Variants in EFNB2 observed in about 807,000 individuals in gnomAD.
The protein encoded by EFNB2 is ephrin-B2.
Under a neutral mutation model 32.1 loss-of-function variants are expected in EFNB2, and 5 were observed. The observed-to-expected ratio is 0.16, with a 90% CI of 0.08 to 0.33. The LOEUF (loss-of-function observed/expected upper bound fraction) is 0.33, where lower values mean the gene tolerates loss of function less well. EFNB2 is among the 10% of genes least tolerant of loss of function. EFNB2 has a pLI of 1.00. For missense variants in EFNB2, 263 were observed against 422.6 expected (o/e 0.62, Z 3.31); for synonymous variants, 168 against 166.5 (o/e 1.01, Z -0.07).
intron 1 of EFNB2, among the ~76,000 whole-genome samples, 187 bp from the exon 2 acceptor site, chr13:106,512,999 G>A (rs149553348): frequency 7.9e-5 from 12 of 152,224 alleles, no homozygotes; most frequent in African/African-American, 2.6e-4. Context: ...AGCTTTAAAA[G>A]AAAAAGGAAA....
In EFNB2 at chr13:106,535,461, C is replaced by A. The variant is rs1880046880; in HGVS notation, c.-497G>T. On this transcript the variant is annotated 5_prime_UTR_variant, in exon 1 of 5. Transcript: ENST00000646441. ...CGGTTCCATGTCCCGGAGCACGGAG[C>A]GGAGTAGGGCGCCTCCGGGCGCGCA... is the stretch of plus-strand genomic sequence containing the variant. The A allele has an allele frequency of 6.7e-6, 1 of 150,096 alleles. No homozygotes were observed. The highest frequency in any genetic ancestry group is 1.5e-5 in the Non-Finnish European group (1 of 67,390). The allele number at this position is 150,096 out of a possible 1,614,324, so 9.3% of individuals were successfully genotyped here.
chr13:106,535,207 G>T lies in EFNB2; in HGVS notation c.-243C>A. ...GGCGGCGCGGCGGACTCGGGGTTCCGGGGCGCCGCGCCGGACGCAGCTCGG... is the reference window on the plus strand; with the variant it reads ...GGCGGCGCGGCGGACTCGGGGTTCCTGGGCGCCGCGCCGGACGCAGCTCGG... On this transcript the variant is annotated 5_prime_UTR_variant, in exon 1 of 5. Coordinates refer to ENST00000646441, the MANE Select transcript of EFNB2 (RefSeq NM_004093.4). The T allele has an allele frequency of 6.2e-6, 1 of 162,490 alleles. No individual in the cohort carries two copies. Among genetic ancestry groups the T allele is most frequent in the South Asian group, 1.9e-4 (1 of 5,234 alleles). The allele number at this position is 162,490 out of a possible 1,614,324, so 10.1% of individuals were successfully genotyped here. A position where few individuals can be genotyped will look rare whatever the true frequency, so the allele number is the denominator to read the frequency against.
At chr13:106,497,591 G>C (rs935744634) in intron 2 of EFNB2, among the ~76,000 whole-genome samples, 2 of 152,022 alleles carry the variant, frequency 1.3e-5, no homozygotes, top group South Asian at 4.2e-4. Context: ...TGCACAACGT[G>C]CAGGTTTGTT....
At chr13:106,516,046 T>C (rs1288441868) in intron 1 of EFNB2, 1 of 152,220 alleles carries the variant, frequency 6.6e-6, no homozygotes, top group Non-Finnish European at 1.5e-5. Flanking sequence ...CAATAAATAA[T>C]GTATTAATTG....
At chr13:106,520,229 A>G (rs1879456315) in intron 1 of EFNB2, 1 of 152,204 alleles carries the variant, frequency 6.6e-6, no homozygotes, top group Non-Finnish European at 1.5e-5. Flanking sequence ...GAAAACATGT[A>G]CTTTTTCCAT....
rs1412261469 is a variant in EFNB2 at position 106,518,992 on chromosome 13, C to T, written c.123-6180G>A. Reference sequence around the variant, plus strand: ...TACCTGGTGGCTCTCCTGAGAGACGCGACAGGTCCACGGAAGGAAACCATG... The same window carrying T: ...TACCTGGTGGCTCTCCTGAGAGACGTGACAGGTCCACGGAAGGAAACCATG... On this transcript the variant is annotated intron_variant, in intron 1 of 4. Coordinates refer to ENST00000646441, the MANE Select transcript of EFNB2 (RefSeq NM_004093.4). The surrounding 1 kb of genome is among the most constrained non-coding windows in gnomAD (Gnocchi z 4.1). 6.6e-6 allele frequency: 1 copy of T among 152,062 alleles called. No individual in the cohort carries two copies. Among genetic ancestry groups the T allele is most frequent in the Non-Finnish European group, 1.5e-5 (1 of 68,020 alleles). 9.4% of individuals were successfully genotyped at this position (152,062 alleles called of 1,614,324 possible).
chr13:106,514,742 T>G (rs1879258883), intron 1 of EFNB2, among the ~76,000 whole-genome samples: 1 of 152,182 alleles, frequency 6.6e-6, no homozygotes, highest in Non-Finnish European at 1.5e-5. Context: ...ATCTGCTCCT[T>G]TTGTAGCCTG....
chr13:106,506,479 C>T (rs1878955958), intron 2 of EFNB2: 2 of 152,160 alleles, frequency 1.3e-5, no homozygotes, highest in South Asian at 2.1e-4. Flanking sequence ...CAAAAAGATA[C>T]ATAAATGCAT....
chr13:106,534,647 T>C (rs1287321433), intron 1 of EFNB2, among the ~76,000 whole-genome samples, 196 bp downstream of exon 1: 1 of 150,812 alleles, frequency 6.6e-6, no homozygotes, highest in Non-Finnish European at 1.5e-5. Flanking sequence ...AGACCGTCCG[T>C]TCCAGCGGGG....
intron 2 of EFNB2, among the ~76,000 whole-genome samples, chr13:106,501,801 C>G (rs1370641402): frequency 6.6e-6 from 1 of 152,068 alleles, no homozygotes; most frequent in Non-Finnish European, 1.5e-5. Flanking sequence ...ACAGTGTTAG[C>G]CAGTTTGGTC....
Position 106,493,534 on chromosome 13 carries a change from A to T in EFNB2, c.614-106T>A. ...ATGTGAAAAATAAGCCAGGCTTATT[A>T]CTAACTAGAAGCTGGACTTTGCCTC... On this transcript the variant is annotated intron_variant, in intron 4 of 4. Transcript: ENST00000646441. This position sits in a 1 kb window ranked among gnomAD's most constrained non-coding sequence, Gnocchi z 6.1. The T allele has an allele frequency of 2.1e-6, 3 of 1,407,464 alleles. No individual in the cohort carries two copies. The highest frequency in any genetic ancestry group is 2.8e-6 in the Non-Finnish European group (3 of 1,065,788). 87.2% of individuals were successfully genotyped at this position (1,407,464 alleles called of 1,614,324 possible). A position where few individuals can be genotyped will look rare whatever the true frequency, so the allele number is the denominator to read the frequency against.
chr13:106,497,023 T>G (rs1878612729), intron 2 of EFNB2, among the ~76,000 whole-genome samples: 1 of 152,242 alleles, frequency 6.6e-6, no homozygotes, highest in Non-Finnish European at 1.5e-5. Context: ...AAAAAAGGAT[T>G]GATTTTCTGG....
At chr13:106,495,089 T>G in intron 3 of EFNB2, 95 bp from the exon 4 acceptor site, 1 of 948,846 alleles carries the variant, frequency 1.1e-6, no homozygotes, top group South Asian at 1.4e-5. Context: ...TGAATAGCAA[T>G]GAACATAAGA....
chr13:106,529,638 C>T (rs561180867), intron 1 of EFNB2, among the ~76,000 whole-genome samples: 38 of 152,200 alleles, frequency 2.5e-4, no homozygotes, highest in Non-Finnish European at 4.9e-4. Context: ...TTTTCAGAGA[C>T]GTGTCATTTC....
chr13:106,524,841 CTTAAT>C (rs1232187831), intron 1 of EFNB2, among the ~76,000 whole-genome samples: 5 of 152,242 alleles, frequency 3.3e-5, no homozygotes, highest in Admixed American at 6.5e-5. Context: ...GGAGAGAGAA[CTTAAT>C]TTAATAGGAC....
Position 106,491,986 on chromosome 13 carries a change from G to A in EFNB2, c.*1054C>T, listed in dbSNP as rs1878422477. 1 of 152,632 alleles carries A rather than the reference G, an allele frequency of 6.6e-6. No homozygotes were observed. Among genetic ancestry groups the A allele is most frequent in the Non-Finnish European group, 1.5e-5 (1 of 68,068 alleles). 9.5% of individuals were successfully genotyped at this position (152,632 alleles called of 1,614,324 possible). A position where few individuals can be genotyped will look rare whatever the true frequency, so the allele number is the denominator to read the frequency against. ...CTCGGAGCTGTGTATCTTATTGCCAGTACCACAACAGTCCTGCCCGAATAT... is the reference window on the plus strand; with the variant it reads ...CTCGGAGCTGTGTATCTTATTGCCAATACCACAACAGTCCTGCCCGAATAT... On this transcript the variant is annotated 3_prime_UTR_variant, in exon 5 of 5. Coordinates refer to ENST00000646441, the MANE Select transcript of EFNB2 (RefSeq NM_004093.4).
intron 2 of EFNB2, among the ~76,000 whole-genome samples, chr13:106,501,873 T>G (rs770376105): frequency 6.6e-6 from 1 of 152,210 alleles, no homozygotes; most frequent in Non-Finnish European, 1.5e-5. Context: ...ATTACAGGCG[T>G]GAGCCACCGC....
rs1251688999 is a variant in EFNB2, at chr13:106,490,067, A to ACTG, written c.*2970_*2972dup. 1.3e-5 allele frequency: 2 copies of ACTG among 152,666 alleles called. No individual in the cohort carries two copies. The highest frequency in any genetic ancestry group is 4.8e-5 in the African/African-American group (2 of 41,466). The allele number at this position is 152,666 out of a possible 1,614,324, so 9.5% of individuals were successfully genotyped here. A position where few individuals can be genotyped will look rare whatever the true frequency, so the allele number is the denominator to read the frequency against. ...TCATTACAGTGCAAAGGGGAATGACACTGCCGTTAAACAAGCTGTAGCTAA... is the reference window on the plus strand; with the variant it reads ...TCATTACAGTGCAAAGGGGAATGACACTGCTGCCGTTAAACAAGCTGTAGCTAA... On this transcript the variant is annotated 3_prime_UTR_variant, in exon 5 of 5. Transcript: ENST00000646441.
At chr13:106,495,232 G>C (rs1878548389) in intron 3 of EFNB2, among the ~76,000 whole-genome samples, 1 of 152,192 alleles carries the variant, frequency 6.6e-6, no homozygotes. Context: ...CATTTGGCAG[G>C]CAAAGCATTG....
Sources: gnomAD v4.1 joint callset for allele counts (sites outside exome capture counted in the v4.1 genomes callset) on GRCh38, gnomAD v4.1.1 for gene constraint, Gnocchi (gnomAD v3.1) non-coding constraint, MANE v1.5 for transcripts, NCBI Gene and HGNC (gene_info 2026-07-23, HGNC 2026-07-21) for gene names.